ANO2: variants seen among roughly 807,000 people sequenced by gnomAD.
ANO2 encodes anoctamin 2, also known as anoctamin-2.
Under a neutral mutation model 124.2 loss-of-function variants are expected in ANO2, and 101 were observed. The ratio of observed to expected loss-of-function variants is 0.81; its 90% CI spans 0.69 to 0.96. The LOEUF is 0.96. Ranked by LOEUF, ANO2 falls within the 40% of genes least tolerant of loss-of-function variation. ANO2 has a pLI of 0.00. For missense variants in ANO2, 1,293 were observed against 1,274.5 expected, an observed-to-expected ratio of 1.01 and a Z score of -0.22; for synonymous variants, 486 against 482.5, an observed-to-expected ratio of 1.01 and a Z score of -0.09.
chr12:5,677,913 C>T (rs897696583), intron 14 of ANO2, among the ~76,000 whole-genome samples: 4 of 152,056 alleles, frequency 2.6e-5, no homozygotes, highest in Non-Finnish European at 4.4e-5. Flanking sequence ...TAGAAAGGGA[C>T]GAGCAGCAGA....
chr12:5,828,266 C>T (rs2137212161), intron 6 of ANO2, among the ~76,000 whole-genome samples: 1 of 152,156 alleles, frequency 6.6e-6, no homozygotes, highest in South Asian at 2.1e-4. Flanking sequence ...GGGGCGGGCC[C>T]CCTCCCCCAG....
intron 16 of ANO2, among the ~76,000 whole-genome samples, chr12:5,623,793 C>T (rs1945248954): frequency 6.6e-6 from 1 of 152,266 alleles, no homozygotes; most frequent in Non-Finnish European, 1.5e-5. Context: ...CTTCCCCTTA[C>T]CTCTCCCTAA....
At chr12:5,571,361 G>A (rs1421886812) in intron 23 of ANO2, among the ~76,000 whole-genome samples, 1 of 152,242 alleles carries the variant, frequency 6.6e-6, no homozygotes, top group Non-Finnish European at 1.5e-5. Context: ...ACAGAGGCAA[G>A]CATCGCTCCA....
At chr12:5,573,471 T>A (rs1024719228) in intron 23 of ANO2, among the ~76,000 whole-genome samples, 1 of 152,182 alleles carries the variant, frequency 6.6e-6, no homozygotes, top group South Asian at 2.1e-4. Flanking sequence ...AGATGTGAGC[T>A]TTAGACCCTG....
chr12:5,776,090 G>A (rs559941487), intron 10 of ANO2, among the ~76,000 whole-genome samples: 5 of 152,258 alleles, frequency 3.3e-5, no homozygotes, highest in African/African-American at 1.2e-4. Context: ...CTCAGACCAC[G>A]CATCAATAAT....
Position 5,923,163 on chromosome 12 carries a change from TACACACACACGC to T in ANO2, c.23-371_23-360del, listed in dbSNP as rs1306673796. Among the ~76,000 whole-genome samples the T allele has an allele frequency of 3.9e-3, 63 of 16,140 alleles. 7 individuals are homozygous for T. The highest frequency in any genetic ancestry group is 0.026 in the Middle Eastern group (1 of 38). 10.6% of individuals were successfully genotyped at this position (16,140 alleles called of 152,430 possible). ...ACACATGCACACATACACACACGCA[TACACACACACGC>T]ACACACACATACACACACACGCACG... On this transcript the variant is annotated intron_variant, in intron 1 of 24. Coordinates refer to ENST00000682330, the MANE Select transcript of ANO2 (RefSeq NM_001364791.2).
At chr12:5,712,123 A>G (rs2137040882) in intron 14 of ANO2, among the ~76,000 whole-genome samples, 1 of 152,318 alleles carries the variant, frequency 6.6e-6, no homozygotes, top group East Asian at 1.9e-4. Context: ...TCTTGAAGGA[A>G]AGATAGGAGT....
At chr12:5,697,700 C>T (rs1949241291) in intron 14 of ANO2, among the ~76,000 whole-genome samples, 1 of 152,208 alleles carries the variant, frequency 6.6e-6, no homozygotes, top group South Asian at 2.1e-4. Flanking sequence ...AATTCCCTTT[C>T]CTAGCCAAGG....
chr12:5,715,968 A>T (rs1011757491), intron 14 of ANO2, among the ~76,000 whole-genome samples: 1 of 152,214 alleles, frequency 6.6e-6, no homozygotes, highest in African/African-American at 2.4e-5. Context: ...ATATTAATAA[A>T]CCATATTTAA....
Position 5,921,228 on chromosome 12 carries a change from G to C in ANO2, c.346C>G (p.Gln116Glu), listed in dbSNP as rs375833553. 3.0e-5 allele frequency: 48 copies of C among 1,613,778 alleles called. No individual in the cohort carries two copies. Among genetic ancestry groups the C allele is most frequent in the Non-Finnish European group, 3.9e-5 (46 of 1,179,850 alleles). ...HYRKRGVHLAQGFPGHSLAIV... is the reference protein window; with the variant it reads ...HYRKRGVHLAEGFPGHSLAIV... The stretch of plus-strand genomic sequence containing the variant: ...GCCAGCGAGTGGCCAGGGAAGCCTT[G>C]GGCCAGGTGCACCCCGCGTTTCCGG... Residue 116 changes from glutamine (Q) to glutamate (E), a missense_variant, in exon 3 of 25, where the codon CAA becomes GAA. Transcript: ENST00000682330.
rs556791727 is a variant in ANO2 at position 5,922,843 on chromosome 12, G to A, written c.23-39C>T. The A allele has an allele frequency of 1.1e-5, 16 of 1,456,694 alleles. No homozygotes were observed. In the African/African-American group the frequency reaches 2.3e-4, roughly 21 times the overall value. The allele number at this position is 1,456,694 out of a possible 1,614,324, so 90.2% of individuals were successfully genotyped here. On this transcript the variant is annotated intron_variant, in intron 1 of 24. Transcript: ENST00000682330. ...AGACAAGGGAGGCAAAACAGCCTCA[G>A]GTGAAGGAAATCCAAGACACTGAGG...
chr12:5,812,702 GAAAA>G (rs1480065102), intron 7 of ANO2, among the ~76,000 whole-genome samples: 163 of 23,310 alleles, frequency 7.0e-3, no homozygotes, highest in East Asian at 0.015. Flanking sequence ...GAAAGAGAAA[GAAAA>G]GAAGAAGAAG....
At chr12:5,590,210 G>T (rs1943324991) in intron 20 of ANO2, among the ~76,000 whole-genome samples, 1 of 151,882 alleles carries the variant, frequency 6.6e-6, no homozygotes, top group Non-Finnish European at 1.5e-5. Flanking sequence ...AAAACATTAT[G>T]AGATTTTTTT....
intron 14 of ANO2, among the ~76,000 whole-genome samples, chr12:5,667,095 G>T (rs941169740): frequency 1.3e-5 from 2 of 152,110 alleles, no homozygotes; most frequent in South Asian, 2.1e-4. Flanking sequence ...GAGGACACCC[G>T]GAAGCTCTGC....
intron 14 of ANO2, among the ~76,000 whole-genome samples, chr12:5,720,176 A>G (rs1020757545): frequency 6.6e-6 from 1 of 152,142 alleles, no homozygotes; most frequent in Non-Finnish European, 1.5e-5. Context: ...GGTTTTTGCA[A>G]CCTCTAGCTG....
chr12:5,680,461 T>C (rs1948443805), intron 14 of ANO2, among the ~76,000 whole-genome samples: 1 of 152,036 alleles, frequency 6.6e-6, no homozygotes, highest in South Asian at 2.1e-4. Context: ...GCAAGTGCTT[T>C]GGTAGGAATG....
At chr12:5,578,541 G>A in intron 20 of ANO2, 23 bp from the exon 21 acceptor site, 1 of 1,604,930 alleles carries the variant, frequency 6.2e-7, no homozygotes, top group Non-Finnish European at 8.5e-7. Context: ...ACAGCATGAG[G>A]GCTTCAGCAG....
intron 10 of ANO2, among the ~76,000 whole-genome samples, chr12:5,778,995 T>C (rs767637755): frequency 6.6e-6 from 1 of 152,226 alleles, no homozygotes; most frequent in Non-Finnish European, 1.5e-5. Flanking sequence ...GAGTCACTCC[T>C]TCCTGGAAGT....
rs1166579764 is a variant in ANO2, at chr12:5,769,374, G to C, written c.1056-18404C>G. On this transcript the variant is annotated intron_variant, in intron 10 of 24. Coordinates refer to ENST00000682330, the MANE Select transcript of ANO2 (RefSeq NM_001364791.2). This position sits in a 1 kb window ranked among gnomAD's most constrained non-coding sequence, Gnocchi z 4.0. ...ATTCAGAGGAGCAAACAGGCCCAAAGACCAAGAAAGAGAGCCAGGGGCCAG... is the reference window on the plus strand; with the variant it reads ...ATTCAGAGGAGCAAACAGGCCCAAACACCAAGAAAGAGAGCCAGGGGCCAG... 6.6e-6 allele frequency among the ~76,000 whole-genome samples: 1 copy of C among 152,074 alleles called. No individual in the cohort carries two copies. The highest frequency in any genetic ancestry group is 1.9e-4 in the East Asian group (1 of 5,166).
Sources: allele counts gnomAD v4.1 joint callset (sites outside exome capture counted in the v4.1 genomes callset), GRCh38; gene constraint gnomAD v4.1.1; non-coding constraint Gnocchi (gnomAD v3.1); transcripts MANE v1.5; gene names NCBI Gene and HGNC (gene_info 2026-07-23, HGNC 2026-07-21).